DIP2B: variants seen among roughly 807,000 people sequenced by gnomAD.
The protein encoded by DIP2B is DIP2 acetate--CoA ligase B (putative).
In DIP2B, 76 loss-of-function variants were observed where a neutral mutation model predicts 198.0. That is an observed-to-expected ratio of 0.38 (90% CI 0.32 to 0.46). The LOEUF is 0.46. Among genes scored for constraint, DIP2B ranks in the 20% least tolerant of loss-of-function variants. The probability of loss-of-function intolerance (pLI) is 0.99; values close to 1 mark genes in which losing one functional copy is unlikely to be tolerated. For synonymous variants in DIP2B, 701 were observed against 739.1 expected (o/e 0.95, Z 0.84); for missense variants, 1,559 against 1,978.4 (o/e 0.79, Z 4.02).
At chr12:50,582,243 C>G (rs1286517263) in intron 1 of DIP2B, among the ~76,000 whole-genome samples, 1 of 149,114 alleles carries the variant, frequency 6.7e-6, no homozygotes, top group Non-Finnish European at 1.5e-5. Flanking sequence ...CCTCCGCCTC[C>G]CGGGTTCAAG....
At chr12:50,718,007 C>A (rs1007310593) in intron 23 of DIP2B, among the ~76,000 whole-genome samples, 1 of 139,498 alleles carries the variant, frequency 7.2e-6, no homozygotes, top group African/African-American at 2.7e-5. Flanking sequence ...TCAAGCAATT[C>A]TCCTGCCTCA....
intron 5 of DIP2B, 151 bp from the exon 6 acceptor site, chr12:50,674,323 C>CTA (rs1163346406): frequency 1.5e-5 from 12 of 788,362 alleles, no homozygotes; most frequent in South Asian, 3.7e-5. Context: ...TTGTGTCTTG[C>CTA]TAATAGATTC....
In DIP2B at chr12:50,618,465, C is replaced by T. The variant is rs892661438; in HGVS notation, c.101-7511C>T. Among the ~76,000 whole-genome samples the T allele has an allele frequency of 1.6e-4, 25 of 152,340 alleles. No homozygotes were observed. The Middle Eastern group carries it at 0.01, about 62-fold the overall frequency. On this transcript the variant is annotated intron_variant, in intron 1 of 37. Coordinates refer to ENST00000301180, the MANE Select transcript of DIP2B (RefSeq NM_173602.3). ...CTCTGGGTTTGATAAACTGTGCATT[C>T]ACCCTCAGTGTCTCTCTCTCCTGAC...
In DIP2B at chr12:50,626,056, T is replaced by C; in HGVS notation, c.172+9T>C. 1 of 1,613,072 alleles carries C rather than the reference T, an allele frequency of 6.2e-7. No homozygotes were observed. The highest frequency in any genetic ancestry group is 8.5e-7 in the Non-Finnish European group (1 of 1,179,650). On this transcript the variant is annotated intron_variant, in intron 2 of 37. Transcript: ENST00000301180. Reference sequence around the variant, plus strand: ...CAGCCCGCAGACACAAGGTAGGCAATAAAAAATGGTTTCAACTTTTTCAGT... The same window carrying C: ...CAGCCCGCAGACACAAGGTAGGCAACAAAAAATGGTTTCAACTTTTTCAGT...
chr12:50,647,441 A>G (rs911727136), intron 3 of DIP2B, among the ~76,000 whole-genome samples: 2 of 152,212 alleles, frequency 1.3e-5, no homozygotes, highest in African/African-American at 4.8e-5. Flanking sequence ...TATCAAGGCA[A>G]GGGAATGTGA....
chr12:50,641,271 C>A (rs1226299207), intron 3 of DIP2B, among the ~76,000 whole-genome samples: 4 of 152,120 alleles, frequency 2.6e-5, no homozygotes, highest in African/African-American at 9.7e-5. Flanking sequence ...ACAGGAGAAT[C>A]ACTTGAACCT....
intron 23 of DIP2B, among the ~76,000 whole-genome samples, chr12:50,716,958 C>CTTTTTTTTTGTTTTTTTTTTTTTTTTTT (rs1939732467): frequency 1.7e-5 from 1 of 58,922 alleles, no homozygotes; most frequent in Non-Finnish European, 3.0e-5. Context: ...CGAATTGTTG[C>CTTTTTTTTTGTTTTTTTTTTTTTTTTTT]TTTTTTTTTT....
At chr12:50,560,350 G>A (rs191778321) in intron 1 of DIP2B, among the ~76,000 whole-genome samples, 8 of 150,210 alleles carry the variant, frequency 5.3e-5, no homozygotes, top group Admixed American at 5.3e-4. Flanking sequence ...AGCCGAGATC[G>A]CAGCCACTGC....
intron 1 of DIP2B, among the ~76,000 whole-genome samples, chr12:50,521,593 A>G (rs1169506006): frequency 1.3e-5 from 2 of 149,438 alleles, no homozygotes; most frequent in Non-Finnish European, 3.0e-5. Flanking sequence ...CCCAGGTTCA[A>G]GTGATTCTTG....
intron 4 of DIP2B, among the ~76,000 whole-genome samples, chr12:50,670,065 C>A (rs965019239): frequency 1.3e-5 from 2 of 152,020 alleles, no homozygotes; most frequent in African/African-American, 4.8e-5. Flanking sequence ...AGCTTAGAAC[C>A]CTGAAATAAA....
intron 2 of DIP2B, among the ~76,000 whole-genome samples, chr12:50,631,134 T>C (rs949866432): frequency 6.6e-6 from 1 of 151,990 alleles, no homozygotes; most frequent in Non-Finnish European, 1.5e-5. Flanking sequence ...CTCCTTCTTT[T>C]CTTTTTTTGA....
chr12:50,550,569 A>T (rs1261372070), intron 1 of DIP2B, among the ~76,000 whole-genome samples: 2 of 152,186 alleles, frequency 1.3e-5, no homozygotes, highest in Non-Finnish European at 2.9e-5. Flanking sequence ...ATTTTACTCT[A>T]TTGAAAATTA....
intron 26 of DIP2B, among the ~76,000 whole-genome samples, chr12:50,722,650 A>C (rs774675321): frequency 2.0e-5 from 3 of 152,204 alleles, no homozygotes; most frequent in Non-Finnish European, 4.4e-5. Context: ...CATGCCCAGG[A>C]GATGGCCTTG....
chr12:50,574,688 C>T lies in DIP2B; in HGVS notation c.101-51288C>T, dbSNP rs559352996. Among the ~76,000 whole-genome samples the T allele has an allele frequency of 2.0e-5, 3 of 152,342 alleles. No homozygotes were observed. The South Asian group carries it at 6.2e-4, about 32-fold the overall frequency. ...GTGGACCTCGATTCATGCAAGGAACCCTCAGAAGTGAGGAATGAATGTTCC... is the reference window on the plus strand; with the variant it reads ...GTGGACCTCGATTCATGCAAGGAACTCTCAGAAGTGAGGAATGAATGTTCC... On this transcript the variant is annotated intron_variant, in intron 1 of 37. Transcript: ENST00000301180.
intron 4 of DIP2B, among the ~76,000 whole-genome samples, chr12:50,666,565 TC>T (rs1938756816): frequency 6.6e-6 from 1 of 152,178 alleles, no homozygotes. Context: ...GGTGCTTACT[TC>T]CGCTGGGCTG....
intron 1 of DIP2B, among the ~76,000 whole-genome samples, chr12:50,507,008 C>T (rs1473854979): frequency 1.3e-5 from 2 of 152,120 alleles, no homozygotes; most frequent in Non-Finnish European, 2.9e-5. Context: ...GTTTACATCT[C>T]TGGGTGTTTC....
At chr12:50,507,898 TTTTC>T (rs746036749) in intron 1 of DIP2B, among the ~76,000 whole-genome samples, 2 of 149,370 alleles carry the variant, frequency 1.3e-5, no homozygotes, top group African/African-American at 2.4e-5. Flanking sequence ...TATTTTCATT[TTTTC>T]TTTCTTTCTC....
chr12:50,737,622 A>C (rs1455053010), intron 35 of DIP2B, among the ~76,000 whole-genome samples: 1 of 151,910 alleles, frequency 6.6e-6, no homozygotes, highest in Non-Finnish European at 1.5e-5. Flanking sequence ...TTGTTTGTTT[A>C]TTTGAGACAG....
At chr12:50,544,398 C>T (rs1472428012) in intron 1 of DIP2B, among the ~76,000 whole-genome samples, 1 of 152,170 alleles carries the variant, frequency 6.6e-6, no homozygotes, top group African/African-American at 2.4e-5. Context: ...CCTCCGCCAC[C>T]TGGGTTCAAG....
Sources: allele counts gnomAD v4.1 joint callset (sites outside exome capture counted in the v4.1 genomes callset), GRCh38; gene constraint gnomAD v4.1.1; transcripts MANE v1.5; gene names NCBI Gene and HGNC (gene_info 2026-07-23, HGNC 2026-07-21).